SIPA1L2: variants seen among roughly 807,000 people sequenced by gnomAD.
SIPA1L2 encodes the protein signal induced proliferation associated 1 like 2, also known as signal-induced proliferation-associated 1-like protein 2.
SIPA1L2 carries 56 observed loss-of-function variants against 163.9 expected under a neutral mutation model. That is an observed-to-expected ratio of 0.34 (90% CI 0.28 to 0.43). The LOEUF is 0.43. Ranked by LOEUF, SIPA1L2 falls within the 20% of genes least tolerant of loss-of-function variation. The pLI is 1.00. For missense variants in SIPA1L2, 1,974 were observed against 2,193.5 expected (o/e 0.90, Z 2.00); for synonymous variants, 877 against 865.7 (o/e 1.01, Z -0.23).
chr1:232,602,343 T>A (rs1381056843), intron 1 of SIPA1L2, among the ~76,000 whole-genome samples: 1 of 152,022 alleles, frequency 6.6e-6, no homozygotes, highest in Non-Finnish European at 1.5e-5. Flanking sequence ...TTTTGTTTTG[T>A]TTATTTAAGA....
intron 1 of SIPA1L2, among the ~76,000 whole-genome samples, chr1:232,584,205 G>A (rs1040007053): frequency 6.6e-6 from 1 of 152,138 alleles, no homozygotes. Flanking sequence ...CAGTCGGTTA[G>A]AAATCAATCA....
intron 2 of SIPA1L2, among the ~76,000 whole-genome samples, chr1:232,528,900 G>C (rs1238442241): frequency 6.6e-6 from 1 of 152,126 alleles, no homozygotes; most frequent in African/African-American, 2.4e-5. Context: ...CCCTTGTACA[G>C]AGAGCACTGT....
chr1:232,480,007 T>G (rs1257581032), intron 6 of SIPA1L2, among the ~76,000 whole-genome samples: 1 of 151,988 alleles, frequency 6.6e-6, no homozygotes, highest in Non-Finnish European at 1.5e-5. Flanking sequence ...CAGTGTGGAT[T>G]TAGGTGATCC....
intron 1 of SIPA1L2, among the ~76,000 whole-genome samples, chr1:232,575,092 T>C (rs532310316): frequency 6.6e-6 from 1 of 152,194 alleles, no homozygotes; most frequent in Non-Finnish European, 1.5e-5. Context: ...CAAACTCAAC[T>C]ACAGCCAAGC....
chr1:232,420,120 G>A (rs772412159), intron 18 of SIPA1L2, among the ~76,000 whole-genome samples: 13 of 152,054 alleles, frequency 8.5e-5, no homozygotes, highest in Non-Finnish European at 1.5e-4. Flanking sequence ...TCAGGAGTTC[G>A]AGACCAACCT....
Position 232,491,058 on chromosome 1 carries a change from G to A in SIPA1L2, c.1622C>T (p.Thr541Ile). The A allele has an allele frequency of 6.2e-7, 1 of 1,611,706 alleles. No homozygotes were observed. The highest frequency in any genetic ancestry group is 8.5e-7 in the Non-Finnish European group (1 of 1,178,900). ...TTCTAAAATTGCTCCTCTCAGTGTT[G>A]TAAGCTGCAGTGACAAAACATAAGA... Reference protein sequence around the residue: ...YRVAFRTSELTTLRGAILEDA... With the variant: ...YRVAFRTSELITLRGAILEDA... Residue 541 changes from threonine to isoleucine, a missense_variant, in exon 5 of 23, where the codon ACA (threonine) becomes ATA (isoleucine). Coordinates refer to ENST00000674635, the MANE Select transcript of SIPA1L2 (RefSeq NM_020808.5).
chr1:232,495,294 T>A (rs914703967), intron 3 of SIPA1L2, among the ~76,000 whole-genome samples: 5 of 152,156 alleles, frequency 3.3e-5, no homozygotes, highest in Admixed American at 1.3e-4. Flanking sequence ...CCGGGCACGG[T>A]GGCTCACGCC....
At chr1:232,481,025 C>A (rs745526798) in intron 6 of SIPA1L2, among the ~76,000 whole-genome samples, 3 of 151,694 alleles carry the variant, frequency 2.0e-5, no homozygotes, top group Non-Finnish European at 2.9e-5. Context: ...ATGAATAAGG[C>A]GAATACTTAG....
At chr1:232,603,526 A>C (rs997257869) in intron 1 of SIPA1L2, among the ~76,000 whole-genome samples, 9 of 152,156 alleles carry the variant, frequency 5.9e-5, no homozygotes, top group South Asian at 2.1e-4. Flanking sequence ...AGGAGCGGAA[A>C]GCAACAGAGG....
intron 15 of SIPA1L2, among the ~76,000 whole-genome samples, chr1:232,434,782 T>C (rs1662454293): frequency 6.6e-6 from 1 of 152,174 alleles, no homozygotes. Flanking sequence ...AACATCCACA[T>C]ACCCTTTTTC....
At chr1:232,583,286 C>T (rs554247257) in intron 1 of SIPA1L2, among the ~76,000 whole-genome samples, 70 of 152,204 alleles carry the variant, frequency 4.6e-4, no homozygotes, top group African/African-American at 1.6e-3. Flanking sequence ...ATCACAAGCA[C>T]GACTATCCAG....
Position 232,514,292 on chromosome 1 carries a change from T to C in SIPA1L2, c.1048A>G (p.Asn350Asp). ...GTTATGTTTTTCCTTTTCCCCACAT[T>C]AGCCCTCGTAGCCATGGCTTCGTTG... ...NINEAMATRA[N>D]VGKRKNITTG... Residue 350 changes from asparagine (N) to aspartate (D), a missense_variant, in exon 3 of 23, where the codon AAT becomes GAT. By Grantham distance (23) the Asn-to-Asp change is conservative (BLOSUM62 1). Coordinates refer to ENST00000674635, the MANE Select transcript of SIPA1L2 (RefSeq NM_020808.5). 6.2e-7 allele frequency: 1 copy of C among 1,613,790 alleles called. No individual in the cohort carries two copies. The highest frequency in any genetic ancestry group is 8.5e-7 in the Non-Finnish European group (1 of 1,180,038).
intron 7 of SIPA1L2, among the ~76,000 whole-genome samples, chr1:232,475,993 G>GTAA (rs1558207373): frequency 6.6e-6 from 1 of 152,178 alleles, no homozygotes; most frequent in Non-Finnish European, 1.5e-5. Context: ...GGAAAGCTAA[G>GTAA]TAAGCATTTT....
chr1:232,556,792 A>T (rs901635514), intron 2 of SIPA1L2, among the ~76,000 whole-genome samples: 4 of 152,106 alleles, frequency 2.6e-5, no homozygotes, highest in Middle Eastern at 3.4e-3. Flanking sequence ...CTGCAAAAAG[A>T]TAAGACAATT....
At chr1:232,505,971 T>C (rs1666713672) in intron 3 of SIPA1L2, among the ~76,000 whole-genome samples, 1 of 152,208 alleles carries the variant, frequency 6.6e-6, no homozygotes, top group Non-Finnish European at 1.5e-5. Context: ...GGCATGAAAT[T>C]CAAAGCAAAT....
chr1:232,602,828 T>C (rs528584445), intron 1 of SIPA1L2, among the ~76,000 whole-genome samples: 1 of 152,344 alleles, frequency 6.6e-6, no homozygotes, highest in East Asian at 1.9e-4. Flanking sequence ...GGCAGCTACA[T>C]GGGGCCGTTG....
At chr1:232,498,576 A>T (rs1193135459) in intron 3 of SIPA1L2, among the ~76,000 whole-genome samples, 2 of 152,218 alleles carry the variant, frequency 1.3e-5, no homozygotes, top group Non-Finnish European at 2.9e-5. Flanking sequence ...GGGCAGCTCT[A>T]GAGGAAAAAT....
intron 2 of SIPA1L2, among the ~76,000 whole-genome samples, chr1:232,551,779 C>A (rs1054139298): frequency 6.6e-6 from 1 of 152,214 alleles, no homozygotes; most frequent in Non-Finnish European, 1.5e-5. Flanking sequence ...ATGAGTTGAG[C>A]CTTAAAAGCC....
intron 15 of SIPA1L2, among the ~76,000 whole-genome samples, chr1:232,436,028 G>A (rs1292416994): frequency 6.6e-6 from 1 of 152,152 alleles, no homozygotes; most frequent in Non-Finnish European, 1.5e-5. Context: ...AAAACCCAGA[G>A]TTAAAGAATT....
Sources: allele counts gnomAD v4.1 joint callset (sites outside exome capture counted in the v4.1 genomes callset), GRCh38; gene constraint gnomAD v4.1.1; transcripts MANE v1.5; gene names NCBI Gene and HGNC (gene_info 2026-07-23, HGNC 2026-07-21).